ZSWIM5: variants seen among roughly 807,000 people sequenced by gnomAD.
ZSWIM5 encodes zinc finger SWIM domain-containing protein 5.
In ZSWIM5, 55 loss-of-function variants were observed where a neutral mutation model predicts 119.6. That is an observed-to-expected ratio of 0.46 (90% CI 0.37 to 0.58). ZSWIM5 has a LOEUF of 0.58. Ranked by LOEUF, ZSWIM5 falls within the 20% of genes least tolerant of loss-of-function variation. The probability of loss-of-function intolerance (pLI) is 0.00; values close to 1 mark genes in which losing one functional copy is unlikely to be tolerated. For missense variants in ZSWIM5, 1,193 were observed against 1,512.8 expected, an observed-to-expected ratio of 0.79 and a Z score of 3.51; for synonymous variants, 537 against 606.9, an observed-to-expected ratio of 0.88 and a Z score of 1.69.
intron 1 of ZSWIM5, among the ~76,000 whole-genome samples, chr1:45,102,730 A>C (rs1475532512): frequency 6.6e-6 from 1 of 152,216 alleles, no homozygotes; most frequent in Middle Eastern, 3.2e-3. Flanking sequence ...TTTGTGATTA[A>C]AATAAGCCAG....
intron 2 of ZSWIM5, among the ~76,000 whole-genome samples, chr1:45,080,562 TTTA>T (rs1645283893): frequency 6.6e-6 from 1 of 152,184 alleles, no homozygotes; most frequent in Non-Finnish European, 1.5e-5. Context: ...CAGTGCCTCT[TTTA>T]GCAATATGAA....
intron 4 of ZSWIM5, among the ~76,000 whole-genome samples, chr1:45,055,489 A>C (rs1445399991): frequency 6.6e-6 from 1 of 152,196 alleles, no homozygotes; most frequent in Non-Finnish European, 1.5e-5. Flanking sequence ...AGGGGAAAAC[A>C]AGGCTTTGGC....
At position 45,092,544 on chromosome 1, in the gene ZSWIM5, C is replaced by T. The variant is rs1199408437; in HGVS notation, c.596-4307G>A. Among the ~76,000 whole-genome samples the T allele has an allele frequency of 9.2e-5, 9 of 98,020 alleles. No homozygotes were observed. The South Asian group carries it at 2.4e-3, about 26-fold the overall frequency. 64.3% of individuals were successfully genotyped at this position (98,020 alleles called of 152,430 possible). A position where few individuals can be genotyped will look rare whatever the true frequency, so the allele number is the denominator to read the frequency against. ...ACTTGTGACCTCGTGATCCACCCCC[C>T]CCCCCCCGCCAGCCTTACAAAGTGC... On this transcript the variant is annotated intron_variant, in intron 1 of 13. Transcript: ENST00000359600.
At chr1:45,150,171 T>TAAAAAAAAAAAAAAAAAAAAAAA (rs59869691) in intron 1 of ZSWIM5, among the ~76,000 whole-genome samples, 4 of 93,382 alleles carry the variant, frequency 4.3e-5, no homozygotes, top group Admixed American at 1.2e-4. Flanking sequence ...CTCTATCTCT[T>TAAAAAAAAAAAAAAAAAAAAAAA]AAAAAAAAAA....
chr1:45,074,292 G>A (rs1005803208), intron 2 of ZSWIM5, among the ~76,000 whole-genome samples: 1 of 151,868 alleles, frequency 6.6e-6, no homozygotes, highest in Non-Finnish European at 1.5e-5. Context: ...TTTCAGAATA[G>A]TTTGAATAAG....
intron 1 of ZSWIM5, among the ~76,000 whole-genome samples, chr1:45,174,353 T>G (rs1174966923): frequency 1.3e-5 from 2 of 152,086 alleles, no homozygotes; most frequent in Non-Finnish European, 2.9e-5. Context: ...AGATTTTTAA[T>G]GTAAGCTAAG....
In ZSWIM5 at chr1:45,019,955, G is replaced by A; in HGVS notation, c.2695+111C>T. 1 of 924,924 alleles carries A rather than the reference G, an allele frequency of 1.1e-6. No homozygotes were observed. The highest frequency in any genetic ancestry group is 1.7e-6 in the Non-Finnish European group (1 of 597,794). 57.3% of individuals were successfully genotyped at this position (924,924 alleles called of 1,614,324 possible). A position where few individuals can be genotyped will look rare whatever the true frequency, so the allele number is the denominator to read the frequency against. ...ATCCTTTCTTAGGCCATCTCCTGAT[G>A]GACCTAAGATCTCATAGGAATATGA... is the stretch of plus-strand genomic sequence containing the variant. On this transcript the variant is annotated intron_variant, in intron 13 of 13. Transcript: ENST00000359600. This position sits in a 1 kb window ranked among gnomAD's most constrained non-coding sequence, Gnocchi z 5.0.
chr1:45,043,504 T>A, intron 5 of ZSWIM5, 109 bp from the exon 6 acceptor site: 1 of 1,067,632 alleles, frequency 9.4e-7, no homozygotes, highest in Non-Finnish European at 1.4e-6. Flanking sequence ...TTTAAAAGAA[T>A]AACTCTGGCA....
At chr1:45,151,804 A>G (rs1236829005) in intron 1 of ZSWIM5, among the ~76,000 whole-genome samples, 3 of 152,210 alleles carry the variant, frequency 2.0e-5, no homozygotes, top group African/African-American at 7.2e-5. Flanking sequence ...AATTGTACCT[A>G]TTTAAAGCAT....
chr1:45,030,893 T>A (rs913266879), intron 11 of ZSWIM5, among the ~76,000 whole-genome samples: 4 of 150,642 alleles, frequency 2.7e-5, no homozygotes, highest in African/African-American at 9.8e-5. Context: ...GTCTCCCTGA[T>A]TCAAGCAATT....
chr1:45,191,539 T>C (rs143697023), intron 1 of ZSWIM5, among the ~76,000 whole-genome samples: 77 of 152,334 alleles, frequency 5.1e-4, no homozygotes, highest in Admixed American at 1.2e-3. Flanking sequence ...CCATCCCAGC[T>C]GCAGAGCTCC....
At chr1:45,038,757 C>T (rs1645000717) in intron 8 of ZSWIM5, among the ~76,000 whole-genome samples, 179 bp downstream of exon 8, 1 of 151,588 alleles carries the variant, frequency 6.6e-6, no homozygotes, top group African/African-American at 2.4e-5. Flanking sequence ...AGGCGACTGA[C>T]CACACCTGGC....
intron 11 of ZSWIM5, among the ~76,000 whole-genome samples, chr1:45,033,317 AT>A (rs1644964115): frequency 6.6e-6 from 1 of 152,132 alleles, no homozygotes. Context: ...ATTAATTTAT[AT>A]GTAACTTTTA....
intron 1 of ZSWIM5, among the ~76,000 whole-genome samples, chr1:45,200,031 A>G (rs1400319326): frequency 6.6e-6 from 1 of 152,222 alleles, no homozygotes; most frequent in Non-Finnish European, 1.5e-5. Context: ...TGAGCCACAA[A>G]TGCCAATACA....
chr1:45,200,681 C>T (rs946453513), intron 1 of ZSWIM5, among the ~76,000 whole-genome samples: 5 of 152,146 alleles, frequency 3.3e-5, no homozygotes, highest in African/African-American at 7.2e-5. Context: ...TAAATAACCA[C>T]TTATTTGTCA....
intron 5 of ZSWIM5, among the ~76,000 whole-genome samples, chr1:45,046,360 T>A (rs1465220875): frequency 1.3e-5 from 2 of 152,098 alleles, no homozygotes; most frequent in Non-Finnish European, 2.9e-5. Flanking sequence ...TGAGCAGTAG[T>A]TGGATTCTGG....
chr1:45,111,998 G>A (rs1645521508), intron 1 of ZSWIM5, among the ~76,000 whole-genome samples: 1 of 152,134 alleles, frequency 6.6e-6, no homozygotes, highest in African/African-American at 2.4e-5. Context: ...CATATTACAG[G>A]ATTTTTTTAA....
At chr1:45,133,371 T>A (rs1023067397) in intron 1 of ZSWIM5, among the ~76,000 whole-genome samples, 1 of 152,246 alleles carries the variant, frequency 6.6e-6, no homozygotes, top group African/African-American at 2.4e-5. Flanking sequence ...CCAGTGATGA[T>A]GAGCATTTTT....
chr1:45,129,497 C>T (rs1014680510), intron 1 of ZSWIM5, among the ~76,000 whole-genome samples: 1 of 151,996 alleles, frequency 6.6e-6, no homozygotes, highest in Non-Finnish European at 1.5e-5. Context: ...ATATGTTTCT[C>T]TTTCTTTTTT....
Sources: allele counts gnomAD v4.1 joint callset (sites outside exome capture counted in the v4.1 genomes callset), GRCh38; gene constraint gnomAD v4.1.1; non-coding constraint Gnocchi (gnomAD v3.1); transcripts MANE v1.5; gene names NCBI Gene and HGNC (gene_info 2026-07-23, HGNC 2026-07-21).